The following UNC13C variants were observed in gnomAD, a reference collection of about 807,000 sequenced individuals.
UNC13C encodes protein unc-13 homolog C.
UNC13C carries 174 observed loss-of-function variants against 245.4 expected under a neutral mutation model. The ratio of observed to expected loss-of-function variants is 0.71; its 90% CI spans 0.63 to 0.80. The LOEUF is 0.80. UNC13C is among the 30% of genes least tolerant of loss of function. The pLI is 0.00. For synonymous variants in UNC13C, 992 were observed against 895.1 expected, an observed-to-expected ratio of 1.11 and a Z score of -1.93; for missense variants, 2,829 against 2,602.9, an observed-to-expected ratio of 1.09 and a Z score of -1.89.
chr15:54,264,674 T>G (rs2036509235), intron 9 of UNC13C, among the ~76,000 whole-genome samples: 1 of 151,780 alleles, frequency 6.6e-6, no homozygotes, highest in South Asian at 2.1e-4. Flanking sequence ...GCATTTTTGT[T>G]GCCTACCAGT....
At chr15:54,629,147 G>T, downstream of UNC13C, 1 of 152,122 alleles carries the variant, frequency 6.6e-6, no homozygotes, top group East Asian at 1.9e-4. Context: ...GACATGGATG[G>T]AGCTGGAGGC....
intron 4 of UNC13C, among the ~76,000 whole-genome samples, chr15:54,226,752 G>A (rs2035396327): frequency 6.6e-6 from 1 of 152,214 alleles, no homozygotes; most frequent in Non-Finnish European, 1.5e-5. Flanking sequence ...TTGGCTCTGT[G>A]AGAAGGTGCA....
chr15:54,146,484 T>C (rs1454798387), intron 4 of UNC13C, among the ~76,000 whole-genome samples: 6 of 152,234 alleles, frequency 3.9e-5, no homozygotes, highest in Non-Finnish European at 8.8e-5. Context: ...TCTCTGTACA[T>C]TTCCTGTAAG....
chr15:54,210,961 A>G (rs1755007862), intron 4 of UNC13C, among the ~76,000 whole-genome samples: 1 of 152,126 alleles, frequency 6.6e-6, no homozygotes. Flanking sequence ...TCTGTACTCT[A>G]TTCCACAGGA....
At chr15:54,321,400 C>T in intron 13 of UNC13C, 1 of 494,296 alleles carries the variant, frequency 2.0e-6, no homozygotes, top group Non-Finnish European at 4.0e-6. Context: ...CTTTGAGAAT[C>T]TTCTCTTGAG....
Position 54,612,420 on chromosome 15 carries a change from C to T in UNC13C, c.6107-9907C>T, listed in dbSNP as rs372905675. On this transcript the variant is annotated intron_variant, in intron 30 of 32. Transcript: ENST00000260323. The stretch of plus-strand genomic sequence containing the variant: ...CTTCTTTATACATTAGGGATAGTAA[C>T]CGTCTCTCTGTAACATCTGTTACAA... 3.3e-5 allele frequency among the ~76,000 whole-genome samples: 5 copies of T among 152,098 alleles called. No individual in the cohort carries two copies. The East Asian group carries it at 5.8e-4, about 18-fold the overall frequency.
intron 19 of UNC13C, among the ~76,000 whole-genome samples, chr15:54,441,274 T>C (rs1314142624): frequency 6.6e-6 from 1 of 152,128 alleles, no homozygotes; most frequent in Non-Finnish European, 1.5e-5. Context: ...CTTCAAGTTC[T>C]CTTCTAGCAG....
intron 1 of UNC13C, among the ~76,000 whole-genome samples, chr15:53,997,525 C>T (rs1452429986): frequency 4.6e-5 from 7 of 152,120 alleles, no homozygotes; most frequent in African/African-American, 1.7e-4. Flanking sequence ...CACAGCATTA[C>T]AATTTTAGTT....
chr15:53,919,451 T>C, the UNC13C span, among the ~76,000 whole-genome samples: 2 of 152,184 alleles, frequency 1.3e-5, no homozygotes, highest in Non-Finnish European at 2.9e-5. Flanking sequence ...AACTTCCTAA[T>C]TGGAATCAGG....
At chr15:54,332,546 T>C (rs959000911) in intron 15 of UNC13C, among the ~76,000 whole-genome samples, 9 of 152,004 alleles carry the variant, frequency 5.9e-5, no homozygotes, top group African/African-American at 2.2e-4. Context: ...TGGATCGTGA[T>C]ACCAAGAGTA....
At position 54,627,205 on chromosome 15, in the gene UNC13C, A is replaced by C. The variant is rs1901231985; in HGVS notation, c.*92A>C. On this transcript the variant is annotated 3_prime_UTR_variant, in exon 33 of 33. Coordinates refer to ENST00000260323, the MANE Select transcript of UNC13C (RefSeq NM_001080534.3). The stretch of plus-strand genomic sequence containing the variant: ...GGGAATGTTTAGTTCACTACATTTC[A>C]ATGTTTGCCAGTACTCATGTACGAT... The C allele has an allele frequency of 1.5e-5, 20 of 1,298,470 alleles. No individual in the cohort carries two copies. Among genetic ancestry groups the C allele is most frequent in the Admixed American group, 2.6e-5 (1 of 39,056 alleles). The allele number at this position is 1,298,470 out of a possible 1,614,324, so 80.4% of individuals were successfully genotyped here.
intron 1 of UNC13C, among the ~76,000 whole-genome samples, chr15:54,008,816 C>G (rs984856837): frequency 1.3e-5 from 2 of 152,182 alleles, no homozygotes; most frequent in African/African-American, 4.8e-5. Flanking sequence ...GTTTCATAGA[C>G]TCCAGGACTA....
the UNC13C span, among the ~76,000 whole-genome samples, chr15:53,882,661 T>C: frequency 6.6e-6 from 1 of 152,132 alleles, no homozygotes; most frequent in African/African-American, 2.4e-5. Flanking sequence ...CCCACTGTCA[T>C]CCCAAAACTT....
At chr15:53,960,067 C>A in the UNC13C span, among the ~76,000 whole-genome samples, 1 of 152,174 alleles carries the variant, frequency 6.6e-6, no homozygotes, top group Non-Finnish European at 1.5e-5. Flanking sequence ...CTTACCCTCT[C>A]TGAGACACTA....
chr15:54,622,799 C>T (rs568631537), intron 31 of UNC13C, among the ~76,000 whole-genome samples: 1 of 152,196 alleles, frequency 6.6e-6, no homozygotes, highest in South Asian at 2.1e-4. Context: ...GAGTTCTTTA[C>T]AATGAGTGGC....
chr15:54,427,293 A>C, intron 19 of UNC13C, among the ~76,000 whole-genome samples: 1 of 151,720 alleles, frequency 6.6e-6, no homozygotes, highest in East Asian at 1.9e-4. Flanking sequence ...GTAGTGAATA[A>C]GTCTCACAAG....
At chr15:54,152,989 C>T (rs1041732411) in intron 4 of UNC13C, among the ~76,000 whole-genome samples, 2 of 152,114 alleles carry the variant, frequency 1.3e-5, no homozygotes, top group South Asian at 4.1e-4. Flanking sequence ...TTCCCTCTTA[C>T]AGACAGACTA....
Position 54,138,916 on chromosome 15 carries a change from T to C in UNC13C, c.2984-4102T>C, listed in dbSNP as rs2031867543. Among the ~76,000 whole-genome samples the C allele has an allele frequency of 4.7e-5, 7 of 149,752 alleles. No individual in the cohort carries two copies. In the South Asian group the frequency reaches 1.3e-3, roughly 28 times the overall value. On this transcript the variant is annotated intron_variant, in intron 2 of 32. Transcript: ENST00000260323. The stretch of plus-strand genomic sequence containing the variant: ...GGAAGCATCACTAATCTTTACTTGA[T>C]ATTATTGTGTGTGCATATATCTCCA...
At chr15:54,079,081 T>C (rs1383032927) in intron 2 of UNC13C, among the ~76,000 whole-genome samples, 2 of 149,284 alleles carry the variant, frequency 1.3e-5, no homozygotes, top group Non-Finnish European at 3.0e-5. Flanking sequence ...CCTCTCTCTT[T>C]GTCTATTTTT....
Sources: allele counts gnomAD v4.1 joint callset (sites outside exome capture counted in the v4.1 genomes callset), GRCh38; gene constraint gnomAD v4.1.1; transcripts MANE v1.5; gene names NCBI Gene and HGNC (gene_info 2026-07-23, HGNC 2026-07-21).